EYS: variants seen among roughly 807,000 people sequenced by gnomAD.
EYS encodes EGF-like photoreceptor maintenance factor.
EYS carries 250 observed loss-of-function variants against 282.1 expected under a neutral mutation model. The ratio of observed to expected loss-of-function variants is 0.89; its 90% CI spans 0.80 to 0.98. EYS has a LOEUF of 0.98. EYS is among the 50% of genes least tolerant of loss of function. EYS has a pLI of 0.00. For synonymous variants in EYS, 1,355 were observed against 1,282.9 expected (o/e 1.06, Z -1.20); for missense variants, 4,016 against 3,709.0 (o/e 1.08, Z -2.15).
intron 7 of EYS, among the ~76,000 whole-genome samples, chr6:65,399,945 T>A (rs1330326576): frequency 6.6e-6 from 1 of 152,052 alleles, no homozygotes; most frequent in Non-Finnish European, 1.5e-5. Context: ...GCAATACAAT[T>A]TCTTAGTGTT....
chr6:64,592,457 G>A (rs912207683), intron 25 of EYS, among the ~76,000 whole-genome samples: 1 of 152,032 alleles, frequency 6.6e-6, no homozygotes, highest in African/African-American at 2.4e-5. Context: ...TTACATAGAT[G>A]AAAAATAGAC....
intron 19 of EYS, among the ~76,000 whole-genome samples, chr6:64,863,258 C>T: frequency 6.6e-6 from 1 of 152,082 alleles, no homozygotes; most frequent in East Asian, 1.9e-4. Context: ...ATTATATTTT[C>T]ATTATCAAGA....
chr6:64,341,867 A>T (rs1771128408), intron 29 of EYS, among the ~76,000 whole-genome samples: 1 of 151,670 alleles, frequency 6.6e-6, no homozygotes, highest in Non-Finnish European at 1.5e-5. Context: ...TGATACACTC[A>T]TAACTAAGAA....
chr6:64,178,997 G>T (rs761734584), intron 31 of EYS, among the ~76,000 whole-genome samples: 8 of 151,764 alleles, frequency 5.3e-5, no homozygotes, highest in Non-Finnish European at 8.8e-5. Context: ...GTAATAGTCA[G>T]CTTTTAGAAT....
At chr6:63,740,418 T>C (rs1336090025) in intron 41 of EYS, among the ~76,000 whole-genome samples, 1 of 152,224 alleles carries the variant, frequency 6.6e-6, no homozygotes, top group African/African-American at 2.4e-5. Context: ...CATGTGGAAC[T>C]GTAAGTCCAT....
chr6:64,398,371 CTCTTT>C (rs1773441863), intron 28 of EYS, among the ~76,000 whole-genome samples: 1 of 151,844 alleles, frequency 6.6e-6, no homozygotes, highest in Non-Finnish European at 1.5e-5. Flanking sequence ...GTAAATTATT[CTCTTT>C]TAATTCTTTG....
Position 65,222,932 on chromosome 6 carries a change from G to C in EYS, c.2023+72931C>G, listed in dbSNP as rs146172629. The stretch of plus-strand genomic sequence containing the variant: ...AAACACGTGAAATAAGGATGAAGAA[G>C]AAGTAAGAGTCAGGGTACACAGCAA... On this transcript the variant is annotated intron_variant, in intron 12 of 42. Transcript: ENST00000503581. Among the ~76,000 whole-genome samples, 1,007 of 152,164 alleles carry C rather than the reference G, an allele frequency of 6.6e-3. 13 individuals are homozygous for C. Among genetic ancestry groups the C allele is most frequent in the African/African-American group, 0.023 (940 of 41,514 alleles).
chr6:64,063,694 G>C (rs1476408907), intron 33 of EYS, among the ~76,000 whole-genome samples: 1 of 152,062 alleles, frequency 6.6e-6, no homozygotes, highest in Non-Finnish European at 1.5e-5. Context: ...CTCTGAATCT[G>C]TATATGCCAT....
intron 28 of EYS, among the ~76,000 whole-genome samples, chr6:64,394,980 C>T (rs1350384154): frequency 6.6e-6 from 1 of 152,142 alleles, no homozygotes; most frequent in Non-Finnish European, 1.5e-5. Flanking sequence ...AGGATATGAA[C>T]AGACACTTCT....
intron 22 of EYS, among the ~76,000 whole-genome samples, chr6:64,734,973 T>C (rs1286437703): frequency 1.3e-5 from 2 of 152,200 alleles, no homozygotes; most frequent in Non-Finnish European, 2.9e-5. Flanking sequence ...GGTATGCTTA[T>C]ATAAACCTAA....
intron 26 of EYS, among the ~76,000 whole-genome samples, chr6:64,492,122 CT>C (rs1266002568): frequency 6.6e-6 from 1 of 150,912 alleles, no homozygotes; most frequent in Non-Finnish European, 1.5e-5. Context: ...TAACCTATAT[CT>C]TTTTTCAATA....
intron 5 of EYS, among the ~76,000 whole-genome samples, chr6:65,459,968 TTATATATATA>T (rs34762215): frequency 0.028 from 2,266 of 80,620 alleles, 62 homozygotes; most frequent in African/African-American, 0.053. Flanking sequence ...TTTGTGTATT[TTATATATATA>T]TATATATATA....
intron 26 of EYS, among the ~76,000 whole-genome samples, chr6:64,563,754 A>T (rs1223001884): frequency 6.6e-6 from 1 of 152,122 alleles, no homozygotes; most frequent in African/African-American, 2.4e-5. Context: ...TAGACTAATC[A>T]AACAGTCACA....
At chr6:63,729,181 T>G (rs1768715476) in intron 41 of EYS, among the ~76,000 whole-genome samples, 1 of 152,196 alleles carries the variant, frequency 6.6e-6, no homozygotes, top group South Asian at 2.1e-4. Context: ...TTAATTTTTG[T>G]GTTGAATTTT....
At chr6:64,452,429 C>T (rs1333772907) in intron 26 of EYS, among the ~76,000 whole-genome samples, 3 of 152,154 alleles carry the variant, frequency 2.0e-5, no homozygotes, top group South Asian at 2.1e-4. Flanking sequence ...AATGGCTATA[C>T]TGCCCCAGGT....
intron 18 of EYS, among the ~76,000 whole-genome samples, chr6:64,894,974 T>G (rs937979102): frequency 6.6e-6 from 1 of 152,014 alleles, no homozygotes; most frequent in African/African-American, 2.4e-5. Flanking sequence ...TGGAGGAAAA[T>G]CCAATTGGAA....
intron 41 of EYS, among the ~76,000 whole-genome samples, chr6:63,757,142 G>A (rs748901110): frequency 5.9e-5 from 9 of 152,072 alleles, no homozygotes; most frequent in Non-Finnish European, 1.3e-4. Context: ...AGATGTGCAA[G>A]TAGGGAAGAT....
At chr6:64,340,074 T>A (rs1237063324) in intron 29 of EYS, among the ~76,000 whole-genome samples, 1 of 151,266 alleles carries the variant, frequency 6.6e-6, no homozygotes, top group Non-Finnish European at 1.5e-5. Flanking sequence ...AGCATACAAA[T>A]AAAAACGTAT....
chr6:64,061,863 G>T (rs1389774006), intron 33 of EYS, among the ~76,000 whole-genome samples: 1 of 151,780 alleles, frequency 6.6e-6, no homozygotes, highest in East Asian at 1.9e-4. Context: ...GGGGACGCAC[G>T]CCTGTAATCC....
Sources: gnomAD v4.1 joint callset for allele counts (sites outside exome capture counted in the v4.1 genomes callset) on GRCh38, gnomAD v4.1.1 for gene constraint, MANE v1.5 for transcripts, NCBI Gene and HGNC (gene_info 2026-07-23, HGNC 2026-07-21) for gene names.